Variants in SMG1 observed in about 807,000 individuals in gnomAD.
The protein encoded by SMG1 is serine/threonine-protein kinase SMG1.
Under a neutral mutation model 419.9 loss-of-function variants are expected in SMG1, and 22 were observed. The ratio of observed to expected loss-of-function variants is 0.05; its 90% CI spans 0.04 to 0.07. The LOEUF is 0.07. SMG1 is among the 10% of genes least tolerant of loss of function. The pLI is 1.00. For synonymous variants in SMG1, 1,538 were observed against 1,553.5 expected, an observed-to-expected ratio of 0.99 and a Z score of 0.23; for missense variants, 3,185 against 4,342.0, an observed-to-expected ratio of 0.73 and a Z score of 7.49.
chr16:18,919,683 C>T (rs2038118291), intron 1 of SMG1, among the ~76,000 whole-genome samples: 1 of 149,674 alleles, frequency 6.7e-6, no homozygotes, highest in South Asian at 2.1e-4. Flanking sequence ...CACACACACA[C>T]ACACACACAC....
chr16:18,864,097 G>A lies in SMG1; in HGVS notation c.3398C>T (p.Thr1133Ile), dbSNP rs1418500714. The A allele has an allele frequency of 5.2e-6, 8 of 1,548,570 alleles. No individual in the cohort carries two copies. The Admixed American group carries it at 7.9e-5, about 15-fold the overall frequency. ...VEYQEHLCAM[T>I]GVDCCISSFD... ...GCTGGAGATGCAGCAATCAACACCT[G>A]TCATGGCACACAGGTGTTCCTGGTA... is the stretch of plus-strand genomic sequence containing the variant. Residue 1133 changes from threonine to isoleucine, a missense_variant, in exon 24 of 63, where the codon ACA becomes ATA. Coordinates refer to ENST00000446231, the MANE Select transcript of SMG1 (RefSeq NM_015092.5).
At chr16:18,848,513 C>T (rs960542561) in intron 36 of SMG1, among the ~76,000 whole-genome samples, 2 of 151,886 alleles carry the variant, frequency 1.3e-5, no homozygotes, top group African/African-American at 4.8e-5. Flanking sequence ...ACCATGTTGT[C>T]CAGGCTGGTC....
intron 38 of SMG1, among the ~76,000 whole-genome samples, chr16:18,846,786 G>A (rs934317411): frequency 3.9e-5 from 6 of 152,206 alleles, no homozygotes; most frequent in African/African-American, 1.4e-4. Context: ...TTGTAAAATG[G>A]TGCAGCCACT....
intron 39 of SMG1, among the ~76,000 whole-genome samples, chr16:18,845,119 A>C (rs112016602): frequency 6.6e-6 from 1 of 152,230 alleles, no homozygotes; most frequent in Non-Finnish European, 1.5e-5. Context: ...TAAAGCAGGC[A>C]ACCAATATTT....
chr16:18,911,006 T>G (rs1432480137), intron 1 of SMG1, among the ~76,000 whole-genome samples: 2 of 152,150 alleles, frequency 1.3e-5, no homozygotes, highest in Admixed American at 1.3e-4. Context: ...CTATATACAT[T>G]CCATTTACAT....
chr16:18,831,804 C>T (rs1206761272), intron 51 of SMG1, among the ~76,000 whole-genome samples: 5 of 143,660 alleles, frequency 3.5e-5, no homozygotes, highest in Non-Finnish European at 6.0e-5. Context: ...CACACACGTA[C>T]ATATTTATGA....
Position 18,864,095 on chromosome 16 carries a change from C to G in SMG1, c.3400G>C (p.Gly1134Arg). ...AAGCTGGAGATGCAGCAATCAACAC[C>G]TGTCATGGCACACAGGTGTTCCTGG... is the stretch of plus-strand genomic sequence containing the variant. ...EYQEHLCAMT[G>R]VDCCISSFDK... Residue 1134 changes from glycine to arginine, a missense_variant, in exon 24 of 63, where the codon GGT (glycine) becomes CGT (arginine). Transcript: ENST00000446231. 1 of 1,549,402 alleles carries G rather than the reference C, an allele frequency of 6.5e-7. No individual in the cohort carries two copies. The highest frequency in any genetic ancestry group is 8.7e-7 in the Non-Finnish European group (1 of 1,146,708).
chr16:18,831,469 T>G (rs2033166928), intron 51 of SMG1, among the ~76,000 whole-genome samples: 1 of 152,172 alleles, frequency 6.6e-6, no homozygotes, highest in Non-Finnish European at 1.5e-5. Flanking sequence ...TTAAGAGAGA[T>G]AAAATGAAGT....
In SMG1 at chr16:18,836,779, A is replaced by G. The variant is rs574507657; in HGVS notation, c.7605-247T>C. Among the ~76,000 whole-genome samples the G allele has an allele frequency of 6.6e-5, 10 of 152,330 alleles. No homozygotes were observed. The South Asian group carries it at 2.1e-3, about 32-fold the overall frequency. On this transcript the variant is annotated intron_variant, in intron 46 of 62. Coordinates refer to ENST00000446231, the MANE Select transcript of SMG1 (RefSeq NM_015092.5). ...TAGGTTCCTTGAAGGTTAGAGACTG[A>G]TGCTTGACAGATCTTTGTAATCTGA...
chr16:18,812,158 C>T, intron 60 of SMG1, 31 bp from the exon 61 acceptor site: 4 of 1,596,066 alleles, frequency 2.5e-6, no homozygotes, highest in Non-Finnish European at 3.4e-6. Flanking sequence ...GCTCAATTTA[C>T]ATGTAAACAG....
chr16:18,870,565 C>G (rs775408967), intron 18 of SMG1, 45 bp downstream of exon 18: 5 of 1,172,630 alleles, frequency 4.3e-6, no homozygotes, highest in Middle Eastern at 2.8e-4. Flanking sequence ...CCAGTAGAGG[C>G]TGTAAATATC....
At chr16:18,863,507 G>C (rs1304543369) in intron 25 of SMG1, 143 bp downstream of exon 25, 13 of 747,406 alleles carry the variant, frequency 1.7e-5, no homozygotes, top group Non-Finnish European at 2.7e-5. Context: ...TCAGTTTCCT[G>C]TTGTCATTTT....
chr16:18,915,350 A>G (rs2037930311), intron 1 of SMG1, among the ~76,000 whole-genome samples: 1 of 152,112 alleles, frequency 6.6e-6, no homozygotes, highest in Non-Finnish European at 1.5e-5. Flanking sequence ...GAGCCTGCTC[A>G]GTTTGTTTAA....
At chr16:18,878,095 T>C (rs2036220491) in intron 11 of SMG1, 1 of 152,100 alleles carries the variant, frequency 6.6e-6, no homozygotes, top group African/African-American at 2.4e-5. Context: ...GGGGAGGATA[T>C]TTATGGTTAA....
intron 11 of SMG1, chr16:18,879,277 A>T (rs1409898450): frequency 1.9e-6 from 1 of 533,320 alleles, no homozygotes; most frequent in African/African-American, 1.9e-5. Flanking sequence ...CACTACACCA[A>T]GCTAATTTTT....
Position 18,816,431 on chromosome 16 carries a change from T to C in SMG1, c.10173A>G (p.Thr3391=). The C allele has an allele frequency of 6.2e-7, 1 of 1,613,998 alleles. No individual in the cohort carries two copies. Among genetic ancestry groups the C allele is most frequent in the Non-Finnish European group, 8.5e-7 (1 of 1,179,868 alleles). ...QDMSTQRAIQ[T]EKEQQIETVC... ...CCGTTTCTATCTGCTGCTCTTTCTC[T>C]GTCTGAATTGCCCTCTGAGTAGACA... is the stretch of plus-strand genomic sequence containing the variant. The change falls in exon 58 of 63, where the codon ACA becomes ACG. Residue 3391 remains threonine, a synonymous_variant. Coordinates refer to ENST00000446231, the MANE Select transcript of SMG1 (RefSeq NM_015092.5).
In SMG1 at chr16:18,834,258, G is replaced by C. The variant is rs1455389474; in HGVS notation, c.8511C>G (p.Pro2837=). Residue 2837 remains proline (P), a synonymous_variant, in exon 50 of 63, where the codon CCC becomes CCG. Coordinates refer to ENST00000446231, the MANE Select transcript of SMG1 (RefSeq NM_015092.5). ...AGTGAACTGTCTCAGACGCTTCCAT[G>C]GGGTTCGGGATATCTAAGTCCTGTG... is the stretch of plus-strand genomic sequence containing the variant. ...LVPQDLDIPN[P]MEASETVHLA... is the part of the protein sequence containing the mutation. 6 of 1,609,944 alleles carry C rather than the reference G, an allele frequency of 3.7e-6. No homozygotes were observed. In the South Asian group the frequency reaches 6.7e-5, roughly 18 times the overall value.
intron 1 of SMG1, among the ~76,000 whole-genome samples, chr16:18,924,248 A>G (rs2038305372): frequency 6.6e-6 from 1 of 152,226 alleles, no homozygotes; most frequent in Non-Finnish European, 1.5e-5. Flanking sequence ...GCTCATGTAC[A>G]TATTCCATAA....
chr16:18,852,779 ATCGGACTGGCTATT>A (rs1168728095), intron 31 of SMG1, among the ~76,000 whole-genome samples: 1 of 152,226 alleles, frequency 6.6e-6, no homozygotes, highest in Non-Finnish European at 1.5e-5. Flanking sequence ...TGCATTATGA[ATCGGACTGGCTATT>A]TCCTCATGAT....
Sources: allele counts gnomAD v4.1 joint callset (sites outside exome capture counted in the v4.1 genomes callset), GRCh38; gene constraint gnomAD v4.1.1; transcripts MANE v1.5; gene names NCBI Gene and HGNC (gene_info 2026-07-23, HGNC 2026-07-21).